FGF10: variants seen among roughly 807,000 people sequenced by gnomAD.
The protein encoded by FGF10 is fibroblast growth factor 10.
A neutral mutation model predicts 19.8 loss-of-function variants in FGF10; 2 were observed. That is an observed-to-expected ratio of 0.10 (90% confidence interval 0.04 to 0.32). The LOEUF is 0.32. Ranked by LOEUF, FGF10 falls within the 10% of genes least tolerant of loss-of-function variation. The pLI is 1.00. For synonymous variants in FGF10, 112 were observed against 94.0 expected (o/e 1.19, Z -1.10); for missense variants, 191 against 246.3 (o/e 0.78, Z 1.50).
intron 1 of FGF10, among the ~76,000 whole-genome samples, chr5:44,324,823 T>G (rs1740573626): frequency 6.6e-6 from 1 of 152,182 alleles, no homozygotes; most frequent in Non-Finnish European, 1.5e-5. Flanking sequence ...TCAAGTCAGA[T>G]TAATAAATTA....
At chr5:44,344,557 T>G (rs1579919938) in intron 1 of FGF10, among the ~76,000 whole-genome samples, 1 of 143,416 alleles carries the variant, frequency 7.0e-6, no homozygotes, top group Middle Eastern at 3.5e-3. Context: ...GGTTTTACTG[T>G]TTTGTTTTCT....
chr5:44,303,770 T>G lies in FGF10; in HGVS notation c.*1225A>C, dbSNP rs537010076. ...TGGTTACACATATACCAGTATATATTTGATTTGCTCAGTTTAAGCCCCTGG... is the reference window on the plus strand; with the variant it reads ...TGGTTACACATATACCAGTATATATGTGATTTGCTCAGTTTAAGCCCCTGG... On this transcript the variant is annotated 3_prime_UTR_variant, in exon 3 of 3. Transcript: ENST00000264664. 5 of 152,202 alleles carry G rather than the reference T, an allele frequency of 3.3e-5. No homozygotes were observed. In the South Asian group the frequency reaches 1.0e-3, roughly 31 times the overall value. The allele number at this position is 152,202 out of a possible 1,614,324, so 9.4% of individuals were successfully genotyped here. A position where few individuals can be genotyped will look rare whatever the true frequency, so the allele number is the denominator to read the frequency against.
chr5:44,344,129 T>C (rs1741030480), intron 1 of FGF10, among the ~76,000 whole-genome samples: 1 of 151,840 alleles, frequency 6.6e-6, no homozygotes, highest in Non-Finnish European at 1.5e-5. Context: ...GCCAGAGATC[T>C]GGTCAGAGTG....
chr5:44,315,361 G>A (rs537248616), intron 1 of FGF10, among the ~76,000 whole-genome samples: 1 of 152,192 alleles, frequency 6.6e-6, no homozygotes, highest in African/African-American at 2.4e-5. Context: ...ACATTCCAGG[G>A]AGAGAAAGTG....
At chr5:44,305,530 A>G (rs1015581892) in intron 2 of FGF10, among the ~76,000 whole-genome samples, 2 of 152,312 alleles carry the variant, frequency 1.3e-5, no homozygotes, top group African/African-American at 4.8e-5. Context: ...GTGATGAGTC[A>G]GTAATAAAGA....
At chr5:44,363,591 T>C (rs930646983) in intron 1 of FGF10, among the ~76,000 whole-genome samples, 2 of 151,850 alleles carry the variant, frequency 1.3e-5, no homozygotes, top group East Asian at 1.9e-4. Flanking sequence ...AAAAAAGATA[T>C]GTTTGTTGAA....
rs149416471 is a variant in FGF10 at position 44,384,054 on chromosome 5, T to C, written c.325+4304A>G. On this transcript the variant is annotated intron_variant, in intron 1 of 2. Transcript: ENST00000264664. Reference sequence around the variant, plus strand: ...TTGCAGGTTTATTTTAAAATTTTCTTAATATGTATGGCTTAAGTCTCTAAG... The same window carrying C: ...TTGCAGGTTTATTTTAAAATTTTCTCAATATGTATGGCTTAAGTCTCTAAG... Among the ~76,000 whole-genome samples the C allele has an allele frequency of 2.0e-3, 307 of 152,242 alleles. 3 individuals are homozygous for C. The highest frequency in any genetic ancestry group is 7.1e-3 in the African/African-American group (296 of 41,588).
chr5:44,305,373 TTC>T (rs1339714289), intron 2 of FGF10, among the ~76,000 whole-genome samples, 181 bp from the exon 3 acceptor site: 11 of 152,184 alleles, frequency 7.2e-5, no homozygotes, highest in African/African-American at 2.7e-4. Context: ...ACAAAACACA[TTC>T]TGTTTGAAAG....
chr5:44,320,472 C>G (rs576213800), intron 1 of FGF10, among the ~76,000 whole-genome samples: 4 of 152,120 alleles, frequency 2.6e-5, no homozygotes, highest in Non-Finnish European at 5.9e-5. Flanking sequence ...CCCAGTGATG[C>G]AACAGCGGAA....
intron 1 of FGF10, among the ~76,000 whole-genome samples, chr5:44,329,346 T>C (rs1305666210): frequency 6.6e-6 from 1 of 152,080 alleles, no homozygotes; most frequent in East Asian, 1.9e-4. Context: ...CTGGCTAATT[T>C]TTGTATTTTT....
chr5:44,324,198 G>C (rs963755880), intron 1 of FGF10, among the ~76,000 whole-genome samples: 1 of 151,390 alleles, frequency 6.6e-6, no homozygotes, highest in Non-Finnish European at 1.5e-5. Flanking sequence ...GGACATAAAG[G>C]GAAAGGCAAA....
Position 44,389,081 on chromosome 5 carries a change from G to C in FGF10, c.-399C>G, listed in dbSNP as rs1258828385. 3.1e-6 allele frequency: 1 copy of C among 321,418 alleles called. No homozygotes were observed. Among genetic ancestry groups the C allele is most frequent in the Admixed American group, 4.0e-5 (1 of 25,188 alleles). 19.9% of individuals were successfully genotyped at this position (321,418 alleles called of 1,614,324 possible). ...TCTGAAAAACAGATGACAGCACGGT[G>C]AACAAAACCCAAGGGAGGTGGGGTG... On this transcript the variant is annotated 5_prime_UTR_variant, in exon 1 of 3. Coordinates refer to ENST00000264664, the MANE Select transcript of FGF10 (RefSeq NM_004465.2).
chr5:44,377,881 A>G (rs902036666), intron 1 of FGF10, among the ~76,000 whole-genome samples: 5 of 152,230 alleles, frequency 3.3e-5, no homozygotes, highest in Non-Finnish European at 7.3e-5. Flanking sequence ...AACAAAGTCC[A>G]TATACATTGA....
chr5:44,385,201 C>G (rs1350042038), intron 1 of FGF10, among the ~76,000 whole-genome samples: 1 of 152,164 alleles, frequency 6.6e-6, no homozygotes, highest in African/African-American at 2.4e-5. Flanking sequence ...CATAATTCAT[C>G]TCTGCTCTCT....
chr5:44,305,879 A>G (rs958747665), intron 2 of FGF10, among the ~76,000 whole-genome samples: 2 of 152,190 alleles, frequency 1.3e-5, no homozygotes, highest in African/African-American at 4.8e-5. Flanking sequence ...TACTATGTTG[A>G]AGAAATTATG....
At chr5:44,352,248 T>C (rs1043340899) in intron 1 of FGF10, among the ~76,000 whole-genome samples, 1 of 151,506 alleles carries the variant, frequency 6.6e-6, no homozygotes, top group Non-Finnish European at 1.5e-5. Context: ...TTGATTGAAA[T>C]CTTGTGCTCT....
rs190453685 is a variant in FGF10, at chr5:44,373,293, G to A, written c.325+15065C>T. On this transcript the variant is annotated intron_variant, in intron 1 of 2. Transcript: ENST00000264664. ...AGCACTATCATAAGGTTGTCTAGTC[G>A]TACCCTTAGCCTTCTCTTCAGAGCA... is the stretch of plus-strand genomic sequence containing the variant. 2.5e-4 allele frequency among the ~76,000 whole-genome samples: 38 copies of A among 152,172 alleles called. 1 individual carries two copies. The highest frequency in any genetic ancestry group is 8.3e-4 in the South Asian group (4 of 4,814).
chr5:44,313,186 C>T (rs2111698300), intron 1 of FGF10, among the ~76,000 whole-genome samples: 1 of 152,092 alleles, frequency 6.6e-6, no homozygotes, highest in Middle Eastern at 3.4e-3. Flanking sequence ...TTTTGGGACG[C>T]AGCGTATGGT....
chr5:44,360,621 C>T lies in FGF10; in HGVS notation c.325+27737G>A, dbSNP rs879941536. ...ATTTTATATGTCATTTCTTTTGCAT[C>T]AACAATTAGGAATTTTTATAGGTAC... On this transcript the variant is annotated intron_variant, in intron 1 of 2. Transcript: ENST00000264664. 7.3e-5 allele frequency among the ~76,000 whole-genome samples: 11 copies of T among 151,584 alleles called. 1 individual carries two copies. Among genetic ancestry groups the T allele is most frequent in the South Asian group, 4.1e-4 (2 of 4,820 alleles).
Sources: gnomAD v4.1 joint callset for allele counts (sites outside exome capture counted in the v4.1 genomes callset) on GRCh38, gnomAD v4.1.1 for gene constraint, MANE v1.5 for transcripts, NCBI Gene and HGNC (gene_info 2026-07-23, HGNC 2026-07-21) for gene names.